CNTNAP2: variants seen among roughly 807,000 people sequenced by gnomAD.
CNTNAP2 encodes the protein contactin-associated protein-like 2.
CNTNAP2 carries 98 observed loss-of-function variants against 155.2 expected under a neutral mutation model. That is an observed-to-expected ratio of 0.63 (90% confidence interval 0.54 to 0.75). The LOEUF is 0.75. Among genes scored for constraint, CNTNAP2 ranks in the 30% least tolerant of loss-of-function variants. The pLI is 0.00. For missense variants in CNTNAP2, 1,727 were observed against 1,688.1 expected, an observed-to-expected ratio of 1.02 and a Z score of -0.40; for synonymous variants, 651 against 631.2, an observed-to-expected ratio of 1.03 and a Z score of -0.47.
chr7:148,174,426 C>CTCCG (rs1554400557), intron 18 of CNTNAP2, among the ~76,000 whole-genome samples: 1 of 152,020 alleles, frequency 6.6e-6, no homozygotes, highest in African/African-American at 2.4e-5. Flanking sequence ...GACCGCCCCC[C>CTCCG]ACCTCAGGCT....
chr7:146,392,666 G>C (rs2058376), intron 1 of CNTNAP2, among the ~76,000 whole-genome samples: 75,145 of 151,942 alleles, frequency 0.49, 20,245 homozygotes, highest in African/African-American at 0.71. Context: ...CATCACACAA[G>C]AATATATTTT....
At chr7:148,141,892 T>C (rs1585148439) in intron 16 of CNTNAP2, among the ~76,000 whole-genome samples, 7 of 152,046 alleles carry the variant, frequency 4.6e-5, no homozygotes, top group Admixed American at 4.6e-4. Flanking sequence ...CAGTTTCAAA[T>C]GTTGTGAAGG....
At chr7:148,197,066 A>T (rs576548404) in intron 18 of CNTNAP2, among the ~76,000 whole-genome samples, 2 of 152,332 alleles carry the variant, frequency 1.3e-5, no homozygotes, top group Admixed American at 1.3e-4. Flanking sequence ...TACATTTTGT[A>T]AATATATTAC....
intron 1 of CNTNAP2, among the ~76,000 whole-genome samples, chr7:146,250,066 T>G (rs892716609): frequency 1.3e-5 from 2 of 152,134 alleles, no homozygotes; most frequent in Admixed American, 6.5e-5. Context: ...TAATCTGAAA[T>G]TAAATCTATT....
intron 1 of CNTNAP2, among the ~76,000 whole-genome samples, chr7:146,533,350 A>T (rs1797799196): frequency 6.6e-6 from 1 of 152,142 alleles, no homozygotes; most frequent in Admixed American, 6.6e-5. Context: ...ATTTAGAAAG[A>T]CTATCCAAAA....
At chr7:147,683,754 A>G (rs1259289240) in intron 13 of CNTNAP2, among the ~76,000 whole-genome samples, 1 of 145,948 alleles carries the variant, frequency 6.9e-6, no homozygotes, top group African/African-American at 2.5e-5. Flanking sequence ...TTGAGTATTC[A>G]ATTAGCAGAA....
At chr7:146,487,371 G>A (rs1419503667) in intron 1 of CNTNAP2, among the ~76,000 whole-genome samples, 1 of 152,154 alleles carries the variant, frequency 6.6e-6, no homozygotes. Flanking sequence ...AAATAAAAAC[G>A]CTAAGAAATG....
intron 15 of CNTNAP2, among the ~76,000 whole-genome samples, chr7:148,067,891 C>T (rs1032325455): frequency 6.6e-6 from 1 of 152,186 alleles, no homozygotes; most frequent in African/African-American, 2.4e-5. Flanking sequence ...GGGATTATGG[C>T]TGCTCTGCAG....
At chr7:146,950,849 G>A (rs1797296911) in intron 3 of CNTNAP2, among the ~76,000 whole-genome samples, 1 of 152,096 alleles carries the variant, frequency 6.6e-6, no homozygotes. Context: ...TCTGGTTCTA[G>A]ATCCCTGAAT....
At chr7:146,716,601 G>A (rs375039916) in intron 1 of CNTNAP2, among the ~76,000 whole-genome samples, 18 of 152,132 alleles carry the variant, frequency 1.2e-4, no homozygotes, top group Non-Finnish European at 1.9e-4. Context: ...GACCAAATAG[G>A]TTAACATTTT....
intron 4 of CNTNAP2, among the ~76,000 whole-genome samples, chr7:147,065,241 T>C (rs1412355525): frequency 6.6e-6 from 1 of 152,160 alleles, no homozygotes; most frequent in East Asian, 1.9e-4. Flanking sequence ...TAATTATTAA[T>C]TGAAAAGTTT....
chr7:146,855,890 C>T (rs1023923860), intron 3 of CNTNAP2, among the ~76,000 whole-genome samples: 1 of 141,880 alleles, frequency 7.0e-6, no homozygotes, highest in Non-Finnish European at 1.5e-5. Context: ...GCTCTGACAG[C>T]TGGATGGATC....
At chr7:147,491,157 G>T (rs1019329293) in intron 11 of CNTNAP2, among the ~76,000 whole-genome samples, 2 of 151,958 alleles carry the variant, frequency 1.3e-5, no homozygotes, top group African/African-American at 4.8e-5. Context: ...CATCCTTTGG[G>T]GCAAGTTCAC....
chr7:146,790,561 G>T (rs146175562), intron 2 of CNTNAP2, among the ~76,000 whole-genome samples: 57 of 149,246 alleles, frequency 3.8e-4, no homozygotes, highest in African/African-American at 1.4e-3. Context: ...TCGTGATTTG[G>T]TCAGTGATTT....
chr7:146,817,254 G>A (rs966419410), intron 2 of CNTNAP2, among the ~76,000 whole-genome samples: 2 of 152,104 alleles, frequency 1.3e-5, no homozygotes, highest in Non-Finnish European at 2.9e-5. Flanking sequence ...GGCAGATCAC[G>A]TGAGGCCAGG....
chr7:147,618,031 G>A (rs1455633430), intron 12 of CNTNAP2, among the ~76,000 whole-genome samples: 1 of 152,096 alleles, frequency 6.6e-6, no homozygotes, highest in East Asian at 1.9e-4. Flanking sequence ...ATTGAATCAG[G>A]ATAATACCAT....
chr7:146,847,798 A>G (rs1794787159), intron 3 of CNTNAP2, among the ~76,000 whole-genome samples: 1 of 152,148 alleles, frequency 6.6e-6, no homozygotes, highest in Non-Finnish European at 1.5e-5. Flanking sequence ...TTATTATCAC[A>G]TCGAGTCCTA....
intron 1 of CNTNAP2, among the ~76,000 whole-genome samples, chr7:146,169,366 G>C (rs1798356867): frequency 6.6e-6 from 1 of 152,236 alleles, no homozygotes; most frequent in African/African-American, 2.4e-5. Context: ...AGCTTTAGGA[G>C]ATAAAATTGA....
At chr7:148,131,016 A>C (rs1227004697) in intron 16 of CNTNAP2, among the ~76,000 whole-genome samples, 1 of 151,744 alleles carries the variant, frequency 6.6e-6, no homozygotes, top group African/African-American at 2.4e-5. Flanking sequence ...GTTTCATTAA[A>C]ATTTTTTGAT....
Sources: gnomAD v4.1 joint callset for allele counts (sites outside exome capture counted in the v4.1 genomes callset) on GRCh38, gnomAD v4.1.1 for gene constraint, MANE v1.5 for transcripts, NCBI Gene and HGNC (gene_info 2026-07-23, HGNC 2026-07-21) for gene names.